TMEM108: variants seen among roughly 807,000 people sequenced by gnomAD.
The protein encoded by TMEM108 is transmembrane protein 108, also known as cancer/testis antigen 124.
Under a neutral mutation model 35.1 loss-of-function variants are expected in TMEM108, and 12 were observed. That is an observed-to-expected ratio of 0.34 (90% CI 0.22 to 0.55). The LOEUF is 0.55. Among genes scored for constraint, TMEM108 ranks in the 20% least tolerant of loss-of-function variants. The pLI is 0.89. For synonymous variants in TMEM108, 287 were observed against 308.6 expected, an observed-to-expected ratio of 0.93 and a Z score of 0.73; for missense variants, 680 against 753.3, an observed-to-expected ratio of 0.90 and a Z score of 1.14.
intron 2 of TMEM108, among the ~76,000 whole-genome samples, chr3:133,083,156 A>C (rs1943835168): frequency 6.6e-6 from 1 of 151,488 alleles, no homozygotes; most frequent in African/African-American, 2.4e-5. Flanking sequence ...CTCTCAAGAG[A>C]CATTACTTGG....
rs147769737 is a variant in TMEM108, at chr3:133,215,802, A to C, written c.-46-13464A>C. On this transcript the variant is annotated intron_variant, in intron 2 of 5. Coordinates refer to ENST00000321871, the MANE Select transcript of TMEM108 (RefSeq NM_023943.4). ...TGCTTTTATGCTTTTTTACATTTAAATATCTGATCGATTTGGAATTTAAGT... is the reference window on the plus strand; with the variant it reads ...TGCTTTTATGCTTTTTTACATTTAACTATCTGATCGATTTGGAATTTAAGT... Among the ~76,000 whole-genome samples the C allele has an allele frequency of 3.9e-3, 600 of 152,252 alleles. 5 individuals carry two copies. The highest frequency in any genetic ancestry group is 0.014 in the African/African-American group (574 of 41,564).
chr3:133,083,526 G>A (rs897023085), intron 2 of TMEM108, among the ~76,000 whole-genome samples: 2 of 152,094 alleles, frequency 1.3e-5, no homozygotes, highest in African/African-American at 2.4e-5. Flanking sequence ...TGAATTATAA[G>A]GACTGTGGAC....
intron 2 of TMEM108, among the ~76,000 whole-genome samples, chr3:133,065,558 A>C (rs866104086): frequency 6.6e-6 from 1 of 152,194 alleles, no homozygotes; most frequent in African/African-American, 2.4e-5. Flanking sequence ...ACCTTGACAT[A>C]AGGTGCATAT....
intron 2 of TMEM108, among the ~76,000 whole-genome samples, chr3:133,124,466 T>C (rs1944390601): frequency 6.6e-6 from 1 of 152,174 alleles, no homozygotes; most frequent in Middle Eastern, 3.2e-3. Context: ...GAGCTGTCTG[T>C]TCATGCCATT....
chr3:133,158,465 T>TAAAAAAAAA (rs11328701), intron 2 of TMEM108, among the ~76,000 whole-genome samples: 95 of 80,468 alleles, frequency 1.2e-3, no homozygotes, highest in East Asian at 1.8e-3. Context: ...AGACTCTGTC[T>TAAAAAAAAA]AAAAAAAAAA....
rs531719244 is a variant in TMEM108, at chr3:133,263,909, A to G, written c.40+34558A>G. 2.0e-5 allele frequency among the ~76,000 whole-genome samples: 3 copies of G among 152,356 alleles called. No homozygotes were observed. The South Asian group carries it at 6.2e-4, about 32-fold the overall frequency. ...TATTTTGTCTGTTTATGGAATAGAC[A>G]TTCTTTCATCCTGCAAAGGAAATAA... On this transcript the variant is annotated intron_variant, in intron 3 of 5. Transcript: ENST00000321871.
intron 4 of TMEM108, chr3:133,389,520 C>G (rs565210514): frequency 6.8e-6 from 3 of 441,770 alleles, no homozygotes; most frequent in Non-Finnish European, 6.0e-6. Flanking sequence ...CCTGTCTCTA[C>G]TAAAAATACA....
chr3:133,276,920 TGACA>T (rs1946845745), intron 3 of TMEM108, among the ~76,000 whole-genome samples: 1 of 152,196 alleles, frequency 6.6e-6, no homozygotes, highest in Non-Finnish European at 1.5e-5. Flanking sequence ...GTGGCAAATT[TGACA>T]GACTATGGAG....
intron 2 of TMEM108, among the ~76,000 whole-genome samples, chr3:133,138,617 G>A (rs868817262): frequency 6.6e-6 from 1 of 152,046 alleles, no homozygotes; most frequent in Non-Finnish European, 1.5e-5. Flanking sequence ...GGACATCCCT[G>A]CCAAAGGTTG....
At chr3:133,373,515 C>G (rs1011477047) in intron 3 of TMEM108, among the ~76,000 whole-genome samples, 1 of 151,948 alleles carries the variant, frequency 6.6e-6, no homozygotes, top group Non-Finnish European at 1.5e-5. Context: ...TGTCCCTAAC[C>G]CTGTGTGTAG....
intron 3 of TMEM108, among the ~76,000 whole-genome samples, chr3:133,324,711 C>T (rs914036992): frequency 6.6e-6 from 1 of 152,220 alleles, no homozygotes; most frequent in Admixed American, 6.5e-5. Flanking sequence ...AACGCAGTGG[C>T]TCACACCTGT....
chr3:133,201,645 C>G (rs752773950), intron 2 of TMEM108, among the ~76,000 whole-genome samples: 2 of 152,048 alleles, frequency 1.3e-5, no homozygotes, highest in African/African-American at 2.4e-5. Flanking sequence ...CTTTTTTATG[C>G]CTGTGTAGTA....
chr3:133,142,111 C>T (rs1039527517), intron 2 of TMEM108, among the ~76,000 whole-genome samples: 8 of 152,116 alleles, frequency 5.3e-5, no homozygotes, highest in African/African-American at 1.9e-4. Context: ...CATATATATT[C>T]TGGGGGGCAA....
At chr3:133,323,112 C>G (rs1378205387) in intron 3 of TMEM108, among the ~76,000 whole-genome samples, 2 of 151,976 alleles carry the variant, frequency 1.3e-5, no homozygotes, top group African/African-American at 4.8e-5. Context: ...GACAATGATG[C>G]CCACTTTCTC....
intron 3 of TMEM108, among the ~76,000 whole-genome samples, chr3:133,313,973 G>A (rs902181686): frequency 1.3e-5 from 2 of 152,012 alleles, no homozygotes; most frequent in Non-Finnish European, 2.9e-5. Context: ...CTACCAATTG[G>A]ATGACAGTTT....
intron 2 of TMEM108, among the ~76,000 whole-genome samples, chr3:133,181,248 T>C (rs1310549765): frequency 6.6e-6 from 1 of 152,112 alleles, no homozygotes; most frequent in African/African-American, 2.4e-5. Context: ...TGAACCATCA[T>C]CCTGTCCCAG....
At chr3:133,296,438 A>G (rs1244318142) in intron 3 of TMEM108, among the ~76,000 whole-genome samples, 3 of 152,148 alleles carry the variant, frequency 2.0e-5, no homozygotes, top group African/African-American at 4.8e-5. Flanking sequence ...AAGAAATCAC[A>G]TGTTTTTCCC....
chr3:133,091,186 T>C (rs557669780), intron 2 of TMEM108, among the ~76,000 whole-genome samples: 1 of 152,342 alleles, frequency 6.6e-6, no homozygotes, highest in South Asian at 2.1e-4. Context: ...GGTATCTTAT[T>C]TTAATTTGTA....
chr3:133,349,483 C>T (rs2071925880), intron 3 of TMEM108, among the ~76,000 whole-genome samples: 1 of 151,662 alleles, frequency 6.6e-6, no homozygotes, highest in Admixed American at 6.6e-5. Flanking sequence ...ATTTGCACAG[C>T]AAAGGAAATA....
Sources: allele counts gnomAD v4.1 joint callset (sites outside exome capture counted in the v4.1 genomes callset), GRCh38; gene constraint gnomAD v4.1.1; transcripts MANE v1.5; gene names NCBI Gene and HGNC (gene_info 2026-07-23, HGNC 2026-07-21).